Variants in ASCC3 observed in about 807,000 individuals in gnomAD.
ASCC3 encodes activating signal cointegrator 1 complex subunit 3.
ASCC3 carries 158 observed loss-of-function variants against 256.3 expected under a neutral mutation model. That is an observed-to-expected ratio of 0.62 (90% CI 0.54 to 0.70). The LOEUF is 0.70. ASCC3 is among the 30% of genes least tolerant of loss of function. The probability of loss-of-function intolerance (pLI) is 0.00; values close to 1 mark genes in which losing one functional copy is unlikely to be tolerated. For missense variants in ASCC3, 2,259 were observed against 2,626.0 expected (o/e 0.86, Z 3.05); for synonymous variants, 948 against 883.4 (o/e 1.07, Z -1.30).
intron 36 of ASCC3, among the ~76,000 whole-genome samples, chr6:100,581,562 T>G (rs113550050): frequency 1.3e-5 from 2 of 150,834 alleles, no homozygotes; most frequent in East Asian, 1.9e-4. Context: ...TAGTTTCTTT[T>G]GCTGTGCAGA....
intron 37 of ASCC3, among the ~76,000 whole-genome samples, chr6:100,527,223 AT>A (rs1160311552): frequency 1.3e-5 from 2 of 152,132 alleles, no homozygotes; most frequent in Non-Finnish European, 2.9e-5. Flanking sequence ...TCCATAAATT[AT>A]TTACTTATAA....
At chr6:100,715,682 T>C (rs1467728696) in intron 12 of ASCC3, 149 bp from the exon 13 acceptor site, 16 of 604,872 alleles carry the variant, frequency 2.6e-5, no homozygotes, top group Non-Finnish European at 4.1e-5. Context: ...ACATATAACA[T>C]ATAACAATCC....
chr6:100,649,568 AAT>A (rs750777330), intron 20 of ASCC3, among the ~76,000 whole-genome samples: 32 of 151,608 alleles, frequency 2.1e-4, no homozygotes, highest in Admixed American at 4.6e-4. Context: ...AATGTTTACC[AAT>A]ATGTCTTGGT....
At chr6:100,760,283 G>A (rs1054100179) in intron 10 of ASCC3, among the ~76,000 whole-genome samples, 2 of 152,090 alleles carry the variant, frequency 1.3e-5, no homozygotes, top group Non-Finnish European at 2.9e-5. Flanking sequence ...TATTCGCTGT[G>A]GGACTGTGAT....
chr6:100,612,609 G>C (rs1773461641), intron 30 of ASCC3, among the ~76,000 whole-genome samples: 1 of 151,976 alleles, frequency 6.6e-6, no homozygotes, highest in Non-Finnish European at 1.5e-5. Flanking sequence ...ATCTGGTACA[G>C]ATATTAAATG....
At chr6:100,617,447 T>C (rs1045565475) in intron 30 of ASCC3, among the ~76,000 whole-genome samples, 1 of 152,186 alleles carries the variant, frequency 6.6e-6, no homozygotes, top group Non-Finnish European at 1.5e-5. Flanking sequence ...CTGCAGAATA[T>C]TGGGTGGAAG....
chr6:100,717,371 G>T (rs1320207444), intron 12 of ASCC3, among the ~76,000 whole-genome samples: 2 of 151,780 alleles, frequency 1.3e-5, no homozygotes, highest in East Asian at 1.9e-4. Flanking sequence ...ATGTCAAAAG[G>T]CCTGTAAATA....
Position 100,564,626 on chromosome 6 carries a change from C to T in ASCC3, c.5551-24239G>A, listed in dbSNP as rs752433482. Among the ~76,000 whole-genome samples, 9 of 152,084 alleles carry T rather than the reference C, an allele frequency of 5.9e-5. 1 individual carries two copies. The South Asian group carries it at 6.2e-4, about 11-fold the overall frequency. On this transcript the variant is annotated intron_variant, in intron 36 of 41. Transcript: ENST00000369162. ...CTACAATCACTTCTTAGACATAGGC[C>T]GGTTCCCTTCCTGAAAGCAGGAATC...
intron 36 of ASCC3, among the ~76,000 whole-genome samples, chr6:100,578,000 A>T (rs1216260704): frequency 6.6e-6 from 1 of 152,028 alleles, no homozygotes; most frequent in East Asian, 1.9e-4. Flanking sequence ...TTCTTTAGAC[A>T]ATTTCCTTTA....
At position 100,602,275 on chromosome 6, in the gene ASCC3, G is replaced by A. The variant is rs1031437441; in HGVS notation, c.5178-340C>T. 2.0e-4 allele frequency among the ~76,000 whole-genome samples: 30 copies of A among 151,874 alleles called. 1 individual carries two copies. The highest frequency in any genetic ancestry group is 1.2e-4 in the Non-Finnish European group (8 of 67,906). On this transcript the variant is annotated intron_variant, in intron 33 of 41. Coordinates refer to ENST00000369162, the MANE Select transcript of ASCC3 (RefSeq NM_006828.4). ...TTTCATTTAAATGTGAATAAAAAGT[G>A]GGCTAGTTAGAATGTCACAAAAGTA...
chr6:100,845,443 T>C (rs974961880), intron 4 of ASCC3, among the ~76,000 whole-genome samples: 5 of 152,196 alleles, frequency 3.3e-5, no homozygotes, highest in Non-Finnish European at 7.4e-5. Flanking sequence ...TTTGCTTTAG[T>C]ATGCTATTTT....
At chr6:100,694,345 T>A (rs1440549396) in intron 13 of ASCC3, among the ~76,000 whole-genome samples, 1 of 148,944 alleles carries the variant, frequency 6.7e-6, no homozygotes, top group East Asian at 2.0e-4. Flanking sequence ...CAGTGGCACA[T>A]GTCTGTAGTC....
intron 36 of ASCC3, among the ~76,000 whole-genome samples, chr6:100,583,145 A>C (rs1396879668): frequency 1.3e-5 from 2 of 152,208 alleles, no homozygotes; most frequent in Admixed American, 6.5e-5. Flanking sequence ...TGATTGGAAT[A>C]GTTTCAGAAG....
At chr6:100,627,252 T>G (rs540342774) in intron 29 of ASCC3, among the ~76,000 whole-genome samples, 4 of 152,144 alleles carry the variant, frequency 2.6e-5, no homozygotes, top group Non-Finnish European at 4.4e-5. Context: ...CTCATAAAAA[T>G]GATTATGAGA....
chr6:100,818,474 G>A (rs1011628391), intron 4 of ASCC3, among the ~76,000 whole-genome samples: 2 of 151,372 alleles, frequency 1.3e-5, no homozygotes, highest in Non-Finnish European at 2.9e-5. Flanking sequence ...GGTTGAGGCA[G>A]GAGAACCGCT....
intron 2 of ASCC3, among the ~76,000 whole-genome samples, chr6:100,866,664 C>T (rs765464204): frequency 6.6e-6 from 1 of 152,082 alleles, no homozygotes; most frequent in African/African-American, 2.4e-5. Flanking sequence ...TAAAAAGACA[C>T]CAGGGATGTG....
chr6:100,556,268 A>C (rs1769569008), intron 36 of ASCC3, among the ~76,000 whole-genome samples: 1 of 152,236 alleles, frequency 6.6e-6, no homozygotes, highest in African/African-American at 2.4e-5. Context: ...AAGTTAAATA[A>C]ATCTAAAAAT....
chr6:100,826,475 A>T (rs1771316068), intron 4 of ASCC3, among the ~76,000 whole-genome samples: 1 of 152,146 alleles, frequency 6.6e-6, no homozygotes, highest in African/African-American at 2.4e-5. Context: ...ATGGATCCTT[A>T]TACAGTTCAC....
chr6:100,612,253 T>A (rs1463785164), intron 30 of ASCC3, among the ~76,000 whole-genome samples: 1 of 152,014 alleles, frequency 6.6e-6, no homozygotes, highest in East Asian at 1.9e-4. Flanking sequence ...CGAATATAAT[T>A]CAGTGAGTTG....
Sources: allele counts gnomAD v4.1 joint callset (sites outside exome capture counted in the v4.1 genomes callset), GRCh38; gene constraint gnomAD v4.1.1; transcripts MANE v1.5; gene names NCBI Gene and HGNC (gene_info 2026-07-23, HGNC 2026-07-21).